ATF7IP: variants seen among roughly 807,000 people sequenced by gnomAD.
The protein encoded by ATF7IP is activating transcription factor 7-interacting protein 1.
ATF7IP carries 23 observed loss-of-function variants against 106.4 expected under a neutral mutation model. The observed-to-expected ratio is 0.22, with a 90% CI of 0.16 to 0.31. The LOEUF is 0.31. ATF7IP is among the 10% of genes least tolerant of loss of function. The pLI is 1.00. For missense variants in ATF7IP, 1,334 were observed against 1,524.3 expected, an observed-to-expected ratio of 0.88 and a Z score of 2.08; for synonymous variants, 542 against 539.0, an observed-to-expected ratio of 1.01 and a Z score of -0.08.
chr12:14,447,264 T>A (rs1943009476), intron 6 of ATF7IP, among the ~76,000 whole-genome samples: 1 of 149,086 alleles, frequency 6.7e-6, no homozygotes, highest in Non-Finnish European at 1.5e-5. Flanking sequence ...TTATATTCTA[T>A]TTTAGGTTAT....
At chr12:14,490,656 C>CTG (rs1591972008) in intron 13 of ATF7IP, among the ~76,000 whole-genome samples, 2 of 152,170 alleles carry the variant, frequency 1.3e-5, no homozygotes, top group East Asian at 3.9e-4. Flanking sequence ...TAGTCTTAAT[C>CTG]TTCCACTGTC....
Position 14,425,006 on chromosome 12 carries a change from C to T in ATF7IP, c.1091C>T (p.Pro364Leu), listed in dbSNP as rs1171571070. 3.7e-6 allele frequency: 6 copies of T among 1,611,920 alleles called. No homozygotes were observed. In the South Asian group the frequency reaches 5.5e-5, roughly 15 times the overall value. The part of the protein sequence containing the change: ...TDDTTICSDR[P>L]PENEKKVEED... ...GATACAACTATTTGTTCAGATCGAC[C>T]TCCTGAAAATGAAAAGAAGGTAGAG... Residue 364 changes from proline to leucine, a missense_variant, in exon 2 of 15, where the codon CCT becomes CTT. Pro to Leu is a moderately conservative substitution (Grantham distance 98). Transcript: ENST00000261168.
chr12:14,408,326 G>A (rs575512766), intron 1 of ATF7IP, among the ~76,000 whole-genome samples: 14 of 152,030 alleles, frequency 9.2e-5, no homozygotes, highest in East Asian at 3.9e-4. Flanking sequence ...TTTTATATTC[G>A]CATCTATTCT....
intron 1 of ATF7IP, among the ~76,000 whole-genome samples, chr12:14,402,023 T>G (rs1447505313): frequency 6.6e-6 from 1 of 151,974 alleles, no homozygotes; most frequent in Non-Finnish European, 1.5e-5. Flanking sequence ...CAGAGTAAGT[T>G]TTAAAAGCTA....
intron 12 of ATF7IP, among the ~76,000 whole-genome samples, chr12:14,478,916 C>A (rs754422787): frequency 1.6e-4 from 24 of 152,002 alleles, no homozygotes; most frequent in Non-Finnish European, 3.1e-4. Context: ...CTTCTCTGAG[C>A]CTTTACTATG....
chr12:14,431,345 G>GA lies in ATF7IP; in HGVS notation c.1559-2990dup, dbSNP rs1382124898. 8.0e-5 allele frequency among the ~76,000 whole-genome samples: 12 copies of GA among 150,198 alleles called. No individual in the cohort carries two copies. The East Asian group carries it at 1.6e-3, about 20-fold the overall frequency. Reference sequence around the variant, plus strand: ...AGCCTTATCCTCAAGAAAATCAAAGGAATTATAACAGAAACTTATCTGTAA... The same window carrying GA: ...AGCCTTATCCTCAAGAAAATCAAAGGAAATTATAACAGAAACTTATCTGTAA... On this transcript the variant is annotated intron_variant, in intron 2 of 14. Transcript: ENST00000261168.
chr12:14,433,658 G>A (rs1219411411), intron 2 of ATF7IP, among the ~76,000 whole-genome samples: 1 of 150,292 alleles, frequency 6.7e-6, no homozygotes, highest in African/African-American at 2.5e-5. Flanking sequence ...CGACAAGAGC[G>A]AAACTCAGTC....
At chr12:14,446,012 G>T (rs565560345) in intron 5 of ATF7IP, among the ~76,000 whole-genome samples, 3 of 152,154 alleles carry the variant, frequency 2.0e-5, no homozygotes, top group African/African-American at 7.2e-5. Context: ...TTTTTGTTCT[G>T]CTTTTTTTTC....
At chr12:14,393,231 T>C (rs1204658630) in intron 1 of ATF7IP, among the ~76,000 whole-genome samples, 1 of 152,206 alleles carries the variant, frequency 6.6e-6, no homozygotes. Flanking sequence ...AAATTAAAAC[T>C]GTAAGGTATA....
intron 1 of ATF7IP, among the ~76,000 whole-genome samples, chr12:14,415,596 G>C (rs1941159992): frequency 1.3e-5 from 2 of 152,076 alleles, no homozygotes; most frequent in Non-Finnish European, 2.9e-5. Flanking sequence ...GACAGGCAGA[G>C]GGGTTAATTT....
chr12:14,481,966 TTA>T (rs1450489333), intron 13 of ATF7IP: 1 of 152,960 alleles, frequency 6.5e-6, no homozygotes, highest in African/African-American at 2.4e-5. Flanking sequence ...CATTTTAAAA[TTA>T]TATATTAACC....
Position 14,367,836 on chromosome 12 carries a change from T to C in ATF7IP, c.-8+2009T>C, listed in dbSNP as rs183960473. 4.3e-3 allele frequency among the ~76,000 whole-genome samples: 659 copies of C among 152,232 alleles called. 3 individuals are homozygous for C. Among genetic ancestry groups the C allele is most frequent in the African/African-American group, 0.015 (633 of 41,566 alleles). On this transcript the variant is annotated intron_variant, in intron 1 of 14. Transcript: ENST00000261168. ...TAATTAATTGCCTGAACACCAACTATTTGTTTATTAGTACTTTGTCAATAA... is the reference window on the plus strand; with the variant it reads ...TAATTAATTGCCTGAACACCAACTACTTGTTTATTAGTACTTTGTCAATAA...
At position 14,439,586 on chromosome 12, in the gene ATF7IP, T is replaced by C. The variant is rs1488699346; in HGVS notation, c.1929+1319T>C. 2.0e-5 allele frequency among the ~76,000 whole-genome samples: 3 copies of C among 152,332 alleles called. No homozygotes were observed. In the East Asian group the frequency reaches 5.8e-4, roughly 29 times the overall value. On this transcript the variant is annotated intron_variant, in intron 5 of 14. Coordinates refer to ENST00000261168, the MANE Select transcript of ATF7IP (RefSeq NM_018179.5). ...TGGCTCACGCCTGTGAGCTCAGCAC[T>C]TTAGGAGGCTGAGGAAGGTGAATCT...
chr12:14,404,372 A>G (rs1257877072), intron 1 of ATF7IP, among the ~76,000 whole-genome samples: 4 of 152,202 alleles, frequency 2.6e-5, no homozygotes, highest in Admixed American at 1.3e-4. Flanking sequence ...AAATTGTCCT[A>G]TAATCATGAC....
chr12:14,373,525 C>T (rs764095549), intron 1 of ATF7IP, among the ~76,000 whole-genome samples: 1 of 152,068 alleles, frequency 6.6e-6, no homozygotes, highest in Non-Finnish European at 1.5e-5. Flanking sequence ...TATGTGTGAT[C>T]ATTTAGTCAT....
intron 13 of ATF7IP, among the ~76,000 whole-genome samples, chr12:14,494,048 G>A (rs1032294842): frequency 2.0e-5 from 3 of 151,750 alleles, no homozygotes; most frequent in Admixed American, 2.0e-4. Context: ...AATCAGGAGT[G>A]TCAAATGCAT....
intron 1 of ATF7IP, among the ~76,000 whole-genome samples, chr12:14,401,440 G>T (rs978823862): frequency 2.6e-5 from 4 of 152,152 alleles, no homozygotes; most frequent in Admixed American, 2.6e-4. Flanking sequence ...CAGGTGATCC[G>T]CCTGCCTTGG....
intron 2 of ATF7IP, among the ~76,000 whole-genome samples, chr12:14,427,538 G>A (rs1941920523): frequency 6.6e-6 from 1 of 151,986 alleles, no homozygotes; most frequent in Admixed American, 6.6e-5. Flanking sequence ...GCTAATTTTT[G>A]TATTTTTAGT....
Position 14,385,196 on chromosome 12 carries a change from T to C in ATF7IP, c.-8+19369T>C, listed in dbSNP as rs561049714. 1.4e-5 allele frequency: 7 copies of C among 493,650 alleles called. No homozygotes were observed. In the South Asian group the frequency reaches 2.3e-4, roughly 16 times the overall value. The allele number at this position is 493,650 out of a possible 1,614,324, so 30.6% of individuals were successfully genotyped here. ...TGTCTATGTTCAGTTTCCTGCAGGC[T>C]GACAAAGTGGGAGGGGCTTTGTTTG... On this transcript the variant is annotated intron_variant, in intron 1 of 14. Coordinates refer to ENST00000261168, the MANE Select transcript of ATF7IP (RefSeq NM_018179.5).
Sources: gnomAD v4.1 joint callset for allele counts (sites outside exome capture counted in the v4.1 genomes callset) on GRCh38, gnomAD v4.1.1 for gene constraint, MANE v1.5 for transcripts, NCBI Gene and HGNC (gene_info 2026-07-23, HGNC 2026-07-21) for gene names.